Variants in PCDH15 observed in about 807,000 individuals in gnomAD.
The protein encoded by PCDH15 is protocadherin-15.
In PCDH15, 129 loss-of-function variants were observed where a neutral mutation model predicts 178.5. The ratio of observed to expected loss-of-function variants is 0.72; its 90% CI spans 0.63 to 0.84. The LOEUF is 0.84. PCDH15 is among the 40% of genes least tolerant of loss of function. The probability of loss-of-function intolerance (pLI) is 0.00; values close to 1 mark genes in which losing one functional copy is unlikely to be tolerated. For missense variants in PCDH15, 2,230 were observed against 2,099.9 expected, an observed-to-expected ratio of 1.06 and a Z score of -1.21; for synonymous variants, 800 against 732.0, an observed-to-expected ratio of 1.09 and a Z score of -1.50.
At chr10:54,289,725 A>G (rs2059271748) in intron 8 of PCDH15, among the ~76,000 whole-genome samples, 1 of 152,236 alleles carries the variant, frequency 6.6e-6, no homozygotes, top group Non-Finnish European at 1.5e-5. Flanking sequence ...GCTGAAAACC[A>G]TGGCACAAGA....
intron 3 of PCDH15, among the ~76,000 whole-genome samples, chr10:54,448,280 T>A (rs1369056347): frequency 6.6e-6 from 1 of 151,780 alleles, no homozygotes; most frequent in African/African-American, 2.4e-5. Flanking sequence ...ATTGTCTATG[T>A]TCATCAGGAG....
intron 5 of PCDH15, among the ~76,000 whole-genome samples, chr10:54,349,279 A>T (rs989376681): frequency 6.6e-6 from 1 of 152,124 alleles, no homozygotes; most frequent in African/African-American, 2.4e-5. Flanking sequence ...AGGGAGATAA[A>T]ATTGGTCTTG....
At chr10:54,000,028 GAAA>G (rs1397782470) in intron 20 of PCDH15, among the ~76,000 whole-genome samples, 2 of 152,124 alleles carry the variant, frequency 1.3e-5, no homozygotes, top group African/African-American at 2.4e-5. Context: ...GAGAGCAAGG[GAAA>G]AGAACAGGAG....
At chr10:55,153,374 A>T (rs1490873594) in intron 2 of PCDH15, among the ~76,000 whole-genome samples, 1 of 152,154 alleles carries the variant, frequency 6.6e-6, no homozygotes, top group Non-Finnish European at 1.5e-5. Context: ...ATCAGCCTGG[A>T]GGACAGGCTG....
intron 1 of PCDH15, among the ~76,000 whole-genome samples, chr10:54,778,738 C>T (rs779513654): frequency 7.2e-5 from 11 of 151,950 alleles, no homozygotes; most frequent in Non-Finnish European, 1.3e-4. Flanking sequence ...CTTGACTGGT[C>T]GTATTGAATC....
chr10:54,314,267 G>A (rs1044177113), intron 8 of PCDH15, among the ~76,000 whole-genome samples: 3 of 151,792 alleles, frequency 2.0e-5, no homozygotes, highest in Non-Finnish European at 2.9e-5. Context: ...TTGTCTTTCC[G>A]AATAGAAATT....
intron 2 of PCDH15, among the ~76,000 whole-genome samples, chr10:54,985,207 G>GT (rs1389547269): frequency 6.6e-6 from 1 of 151,904 alleles, no homozygotes; most frequent in Non-Finnish European, 1.5e-5. Context: ...CATGCCTTAG[G>GT]TATATTATGG....
At chr10:55,224,699 C>T (rs1257374540) in intron 1 of PCDH15, among the ~76,000 whole-genome samples, 1 of 152,074 alleles carries the variant, frequency 6.6e-6, no homozygotes, top group East Asian at 1.9e-4. Flanking sequence ...AAGTGTTGTT[C>T]TTTTGCTTAA....
intron 2 of PCDH15, among the ~76,000 whole-genome samples, chr10:54,601,190 T>C (rs1227333323): frequency 4.0e-5 from 6 of 151,838 alleles, no homozygotes; most frequent in African/African-American, 1.2e-4. Context: ...AAAAAATAAA[T>C]AAATGAAAGA....
At chr10:54,094,092 A>G (rs999359507) in intron 15 of PCDH15, among the ~76,000 whole-genome samples, 1 of 152,148 alleles carries the variant, frequency 6.6e-6, no homozygotes, top group East Asian at 1.9e-4. Context: ...CAGCTATACT[A>G]TCTCTTCTCA....
chr10:55,390,029 G>A (rs570744857), intron 2 of PCDH15, among the ~76,000 whole-genome samples: 1 of 152,240 alleles, frequency 6.6e-6, no homozygotes, highest in South Asian at 2.1e-4. Flanking sequence ...CATGTGAGAT[G>A]TTATTACAGG....
chr10:55,128,132 T>C (rs534561227), intron 2 of PCDH15, among the ~76,000 whole-genome samples: 15 of 152,076 alleles, frequency 9.9e-5, no homozygotes, highest in Admixed American at 5.9e-4. Flanking sequence ...CTGTCATACC[T>C]TGCCCTTGAA....
intron 2 of PCDH15, among the ~76,000 whole-genome samples, chr10:55,461,695 G>C (rs977674787): frequency 6.6e-6 from 1 of 151,902 alleles, no homozygotes; most frequent in Admixed American, 6.6e-5. Context: ...TTACTTTATT[G>C]GACACCATGG....
chr10:53,975,128 T>C (rs1412006353), intron 21 of PCDH15, among the ~76,000 whole-genome samples: 3 of 152,174 alleles, frequency 2.0e-5, no homozygotes, highest in Non-Finnish European at 4.4e-5. Flanking sequence ...CTTTTTTATG[T>C]TTGCATAGTA....
intron 2 of PCDH15, among the ~76,000 whole-genome samples, chr10:55,160,645 A>G (rs193287066): frequency 1.3e-5 from 2 of 152,176 alleles, no homozygotes; most frequent in Admixed American, 1.3e-4. Context: ...TTTCTGTTGC[A>G]TCAAGTATAT....
At chr10:54,984,675 CA>C (rs1011111869) in intron 2 of PCDH15, among the ~76,000 whole-genome samples, 1 of 151,862 alleles carries the variant, frequency 6.6e-6, no homozygotes, top group South Asian at 2.1e-4. Flanking sequence ...ACTGTCTCTA[CA>C]AAAAAAATTT....
chr10:54,604,729 TTTTACA>T (rs2092676751), intron 2 of PCDH15, among the ~76,000 whole-genome samples: 1 of 151,974 alleles, frequency 6.6e-6, no homozygotes, highest in Non-Finnish European at 1.5e-5. Flanking sequence ...AGTTTAATCC[TTTTACA>T]TTTAAAGTAA....
chr10:55,194,767 C>T (rs1000944619), intron 1 of PCDH15, among the ~76,000 whole-genome samples: 5 of 151,494 alleles, frequency 3.3e-5, no homozygotes, highest in African/African-American at 1.2e-4. Context: ...ATAAGCCGAA[C>T]GTGATGAGCG....
Position 54,428,638 on chromosome 10 carries a change from G to T in PCDH15, c.158-49696C>A, listed in dbSNP as rs1373855996. On this transcript the variant is annotated intron_variant, in intron 3 of 37. Coordinates refer to ENST00000644397, the MANE Select transcript of PCDH15 (RefSeq NM_001384140.1). ...AGAGCCAACGGGCATTGAGGCATTC[G>T]ATAATCATACTCCCAAAGGTCAAGG... Among the ~76,000 whole-genome samples, 3 of 151,972 alleles carry T rather than the reference G, an allele frequency of 2.0e-5. No individual in the cohort carries two copies. In the South Asian group the frequency reaches 6.2e-4, roughly 32 times the overall value.
Sources: gnomAD v4.1 joint callset for allele counts (sites outside exome capture counted in the v4.1 genomes callset) on GRCh38, gnomAD v4.1.1 for gene constraint, MANE v1.5 for transcripts, NCBI Gene and HGNC (gene_info 2026-07-23, HGNC 2026-07-21) for gene names.